The following MTHFD1L variants were observed in gnomAD, a reference collection of about 807,000 sequenced individuals.
The protein encoded by MTHFD1L is methylenetetrahydrofolate dehydrogenase (NADP+ dependent) 1 like.
In MTHFD1L, 81 loss-of-function variants were observed where a neutral mutation model predicts 119.5. That is an observed-to-expected ratio of 0.68 (90% CI 0.57 to 0.82). MTHFD1L has a LOEUF of 0.82. MTHFD1L is among the 40% of genes least tolerant of loss of function. The probability of loss-of-function intolerance (pLI) is 0.00; values close to 1 mark genes in which losing one functional copy is unlikely to be tolerated. For missense variants in MTHFD1L, 1,125 were observed against 1,253.4 expected, an observed-to-expected ratio of 0.90 and a Z score of 1.55; for synonymous variants, 430 against 475.2, an observed-to-expected ratio of 0.90 and a Z score of 1.24.
chr6:150,876,527 A>G (rs74360870), intron 2 of MTHFD1L, among the ~76,000 whole-genome samples: 2,231 of 152,332 alleles, frequency 0.015, 18 homozygotes, highest in Admixed American at 0.021. Flanking sequence ...CTTTGTTTCA[A>G]TGGACACAGA....
At chr6:150,886,038 A>G (rs753884376) in intron 6 of MTHFD1L, among the ~76,000 whole-genome samples, 1 of 152,210 alleles carries the variant, frequency 6.6e-6, no homozygotes, top group African/African-American at 2.4e-5. Flanking sequence ...AACATGCTCA[A>G]TTTCTCTCAT....
chr6:150,880,264 C>A (rs951579985), intron 4 of MTHFD1L, among the ~76,000 whole-genome samples: 2 of 152,152 alleles, frequency 1.3e-5, no homozygotes, highest in African/African-American at 4.8e-5. Context: ...TCCCCTCCCC[C>A]ATCCCTCTCC....
intron 26 of MTHFD1L, among the ~76,000 whole-genome samples, chr6:151,076,098 C>T (rs987618995): frequency 6.6e-6 from 1 of 152,206 alleles, no homozygotes; most frequent in African/African-American, 2.4e-5. Context: ...CAGCTAAGCA[C>T]AGTAGCTCAT....
intron 9 of MTHFD1L, among the ~76,000 whole-genome samples, chr6:150,921,020 C>G (rs1033574098): frequency 7.6e-5 from 11 of 145,128 alleles, no homozygotes; most frequent in African/African-American, 2.8e-4. Context: ...GTCGCAAACT[C>G]GGCTCACTGC....
At position 150,884,677 on chromosome 6, in the gene MTHFD1L, G is replaced by A. The variant is rs552515563; in HGVS notation, c.543-957G>A. ...AACAGAGAGTAAAAGGAGAAATTACGAAAATGGTTCTAAATGTCTCCATTC... is the reference window on the plus strand; with the variant it reads ...AACAGAGAGTAAAAGGAGAAATTACAAAAATGGTTCTAAATGTCTCCATTC... On this transcript the variant is annotated intron_variant, in intron 5 of 27. Coordinates refer to ENST00000367321, the MANE Select transcript of MTHFD1L (RefSeq NM_015440.5). Among the ~76,000 whole-genome samples the A allele has an allele frequency of 2.3e-3, 349 of 152,222 alleles. 3 individuals carry two copies. The highest frequency in any genetic ancestry group is 7.2e-3 in the African/African-American group (300 of 41,538).
intron 26 of MTHFD1L, among the ~76,000 whole-genome samples, chr6:151,074,893 G>A (rs1196470496): frequency 2.0e-5 from 3 of 152,144 alleles, no homozygotes; most frequent in Admixed American, 1.3e-4. Context: ...CCAGTGATGT[G>A]TTTCTCAGAA....
chr6:150,942,087 T>C (rs803452), intron 13 of MTHFD1L, among the ~76,000 whole-genome samples: 98,327 of 151,690 alleles, frequency 0.65, 32,525 homozygotes, highest in African/African-American at 0.79. Context: ...GGGGAAACCC[T>C]GTCTCTACTA....
At chr6:150,996,854 T>A (rs1779868740) in intron 20 of MTHFD1L, among the ~76,000 whole-genome samples, 1 of 152,198 alleles carries the variant, frequency 6.6e-6, no homozygotes, top group Non-Finnish European at 1.5e-5. Flanking sequence ...TGTTTATCTC[T>A]GAAAGATCCT....
At chr6:150,881,943 C>G (rs1275702367) in intron 4 of MTHFD1L, among the ~76,000 whole-genome samples, 1 of 152,166 alleles carries the variant, frequency 6.6e-6, no homozygotes, top group Non-Finnish European at 1.5e-5. Context: ...AATGGTAAAC[C>G]AACCCTTCCC....
At chr6:150,881,945 A>ACC (rs1225535099) in intron 4 of MTHFD1L, among the ~76,000 whole-genome samples, 1 of 152,162 alleles carries the variant, frequency 6.6e-6, no homozygotes, top group Non-Finnish European at 1.5e-5. Flanking sequence ...TGGTAAACCA[A>ACC]CCCTTCCCCA....
chr6:150,899,004 T>C, intron 7 of MTHFD1L: 1 of 1,010,582 alleles, frequency 9.9e-7, no homozygotes, highest in Non-Finnish European at 1.2e-6. Flanking sequence ...CCCAGAATGG[T>C]GCTGCATTTT....
intron 26 of MTHFD1L, among the ~76,000 whole-genome samples, chr6:151,048,175 A>T (rs1175335950): frequency 6.6e-6 from 1 of 152,128 alleles, no homozygotes; most frequent in Non-Finnish European, 1.5e-5. Flanking sequence ...ACCATAGCAC[A>T]TGCCTTTCCC....
At chr6:150,944,063 G>A (rs548721689) in intron 13 of MTHFD1L, among the ~76,000 whole-genome samples, 2 of 152,276 alleles carry the variant, frequency 1.3e-5, no homozygotes, top group African/African-American at 4.8e-5. Context: ...TTGCTCAAAG[G>A]TTCTTTGTTG....
At chr6:150,912,757 T>C in intron 8 of MTHFD1L, 1 of 483,566 alleles carries the variant, frequency 2.1e-6, no homozygotes, top group Non-Finnish European at 4.3e-6. Flanking sequence ...TGAGAGTGTT[T>C]AGTGGGAAGT....
chr6:150,962,246 A>G (rs940250966), intron 18 of MTHFD1L, among the ~76,000 whole-genome samples: 1 of 152,070 alleles, frequency 6.6e-6, no homozygotes, highest in Non-Finnish European at 1.5e-5. Flanking sequence ...CGACCTCCCA[A>G]AGTGCTGGGA....
Position 150,949,038 on chromosome 6 carries a change from G to A in MTHFD1L, c.1631G>A (p.Gly544Glu). Residue 544 changes from glycine (G) to glutamate (E), a missense_variant, in exon 16 of 28, where the codon GGA becomes GAA. Physicochemically the swap from Gly to Glu is moderately conservative, Grantham distance 98. This residue lies in a region of MTHFD1L where 1,058 missense variants were observed against 1,151.2 expected (regional missense o/e 0.92). Transcript: ENST00000367321. ...TTTCTTCTTAATCATTAGAAACTGG[G>A]AATAAATAAGACTGATCCGAGCACA... ...EIQLARLKKL[G>E]INKTDPSTLT... 6.2e-7 allele frequency: 1 copy of A among 1,613,108 alleles called. No individual in the cohort carries two copies. The highest frequency in any genetic ancestry group is 8.5e-7 in the Non-Finnish European group (1 of 1,179,424).
rs74733275 is a variant in MTHFD1L at position 151,080,006 on chromosome 6, C to T, written c.2848-12461C>T. Among the ~76,000 whole-genome samples the T allele has an allele frequency of 2.2e-3, 327 of 150,534 alleles. 1 individual carries two copies. The East Asian group carries it at 0.045, about 21-fold the overall frequency. On this transcript the variant is annotated intron_variant, in intron 26 of 27. Coordinates refer to ENST00000367321, the MANE Select transcript of MTHFD1L (RefSeq NM_015440.5). ...CCTGGCCAACGTGGTGAAACCCCGT[C>T]TCTACTTAAAATACAAAAAAAATAG...
Position 151,012,360 on chromosome 6 carries a change from AT to A in MTHFD1L, c.2266-1417del, listed in dbSNP as rs367975277. On this transcript the variant is annotated intron_variant, in intron 21 of 27. Transcript: ENST00000367321. ...AGCTCTGTATTTTTGAACCATGATT[AT>A]TCATTTCTACTTCTGTTTTCTTTTT... is the stretch of plus-strand genomic sequence containing the variant. 4.8e-3 allele frequency among the ~76,000 whole-genome samples: 734 copies of A among 151,924 alleles called. 3 individuals are homozygous for A. The highest frequency in any genetic ancestry group is 0.017 in the African/African-American group (722 of 41,450).
chr6:150,866,664 G>C, intron 1 of MTHFD1L: 3 of 1,183,976 alleles, frequency 2.5e-6, no homozygotes, highest in Non-Finnish European at 3.1e-6. Flanking sequence ...GACAGCCGCC[G>C]GGGGGAATCC....
Sources: allele counts gnomAD v4.1 joint callset (sites outside exome capture counted in the v4.1 genomes callset), GRCh38; gene constraint gnomAD v4.1.1; regional missense constraint gnomAD v4.1.1; transcripts MANE v1.5; gene names NCBI Gene and HGNC (gene_info 2026-07-23, HGNC 2026-07-21).